Variants in DOCK2 observed in about 807,000 individuals in gnomAD.
DOCK2 encodes the protein dedicator of cytokinesis 2, also known as dedicator of cytokinesis protein 2.
DOCK2 carries 87 observed loss-of-function variants against 248.9 expected under a neutral mutation model. That is an observed-to-expected ratio of 0.35 (90% CI 0.29 to 0.42). The LOEUF (loss-of-function observed/expected upper bound fraction) is 0.42, where lower values mean the gene tolerates loss of function less well. Ranked by LOEUF, DOCK2 falls within the 10% of genes least tolerant of loss-of-function variation. The pLI, the probability that DOCK2 is intolerant of heterozygous loss-of-function variation, is 1.00. For synonymous variants in DOCK2, 805 were observed against 821.6 expected (o/e 0.98, Z 0.35); for missense variants, 1,747 against 2,300.2 (o/e 0.76, Z 4.92).
At chr5:169,864,601 C>T (rs261027) in intron 27 of DOCK2, 54,448 of 673,400 alleles carry the variant, frequency 0.081, 3,796 homozygotes, top group African/African-American at 0.3. Flanking sequence ...GGCTCTTTGA[C>T]CTTGGGAAAG....
chr5:169,949,297 G>T (rs1776566518), intron 27 of DOCK2, among the ~76,000 whole-genome samples: 1 of 152,156 alleles, frequency 6.6e-6, no homozygotes, highest in South Asian at 2.1e-4. Flanking sequence ...TCCCAGGAGG[G>T]AGATCATAAT....
At chr5:169,681,974 T>C in intron 7 of DOCK2, 95 bp downstream of exon 7, 1 of 1,518,844 alleles carries the variant, frequency 6.6e-7, no homozygotes, top group Non-Finnish European at 8.8e-7. Context: ...CTGTGTATTA[T>C]TCAAGGGGCA....
At chr5:169,964,319 G>T (rs1339474737) in intron 27 of DOCK2, among the ~76,000 whole-genome samples, 1 of 152,124 alleles carries the variant, frequency 6.6e-6, no homozygotes, top group Non-Finnish European at 1.5e-5. Flanking sequence ...AAGTTGCTCC[G>T]CTCCCACCCC....
chr5:169,941,462 G>A (rs1581449879), intron 27 of DOCK2, among the ~76,000 whole-genome samples: 1 of 152,152 alleles, frequency 6.6e-6, no homozygotes, highest in Non-Finnish European at 1.5e-5. Context: ...TGGGAGTGGT[G>A]TAGGCACAGG....
chr5:170,022,524 C>A (rs1284966054), intron 33 of DOCK2, among the ~76,000 whole-genome samples: 1 of 151,664 alleles, frequency 6.6e-6, no homozygotes, highest in East Asian at 1.9e-4. Context: ...GGGTCTCTGT[C>A]CATTGTCTAG....
chr5:169,663,470 C>G (rs1758557111), intron 2 of DOCK2, among the ~76,000 whole-genome samples: 1 of 152,252 alleles, frequency 6.6e-6, no homozygotes, highest in Non-Finnish European at 1.5e-5. Context: ...CCCTGCTGCA[C>G]TGCCCTAGTA....
intron 27 of DOCK2, chr5:169,864,179 T>C (rs1771387135): frequency 8.6e-7 from 1 of 1,165,638 alleles, no homozygotes; most frequent in African/African-American, 1.5e-5. Flanking sequence ...GCCCAGGGCC[T>C]TTGCAAAGAA....
At chr5:169,795,375 G>C (rs1048468003) in intron 25 of DOCK2, among the ~76,000 whole-genome samples, 2 of 152,020 alleles carry the variant, frequency 1.3e-5, no homozygotes, top group South Asian at 4.2e-4. Context: ...ATACATTTTG[G>C]TCCCCGAGGG....
At chr5:169,722,757 G>A (rs1473810429) in intron 22 of DOCK2, among the ~76,000 whole-genome samples, 1 of 152,178 alleles carries the variant, frequency 6.6e-6, no homozygotes, top group Non-Finnish European at 1.5e-5. Flanking sequence ...AACAGCAAGG[G>A]TGCTTTTTTC....
chr5:170,024,394 ACT>A (rs1409141764), intron 33 of DOCK2, among the ~76,000 whole-genome samples: 1 of 128,094 alleles, frequency 7.8e-6, no homozygotes, highest in African/African-American at 3.1e-5. Flanking sequence ...AGAGTCTTAC[ACT>A]CTGTCACCCA....
intron 27 of DOCK2, among the ~76,000 whole-genome samples, chr5:169,964,763 C>T (rs1777233395): frequency 6.6e-6 from 1 of 152,228 alleles, no homozygotes; most frequent in Admixed American, 6.5e-5. Flanking sequence ...CTGCTTCTCC[C>T]CTCGGAGCAA....
At chr5:169,677,401 G>T (rs370935223) in intron 6 of DOCK2, among the ~76,000 whole-genome samples, 1 of 152,078 alleles carries the variant, frequency 6.6e-6, no homozygotes, top group Admixed American at 6.5e-5. Context: ...AAGGCTGCCC[G>T]CAAACTGTGT....
At position 169,731,540 on chromosome 5, in the gene DOCK2, G is replaced by A. The variant is rs552015761; in HGVS notation, c.2267+12749G>A. Among the ~76,000 whole-genome samples the A allele has an allele frequency of 1.2e-4, 18 of 152,130 alleles. No individual in the cohort carries two copies. The East Asian group carries it at 2.3e-3, about 20-fold the overall frequency. ...TTTCTTTTGTAAATGGCCTAGTCTC[G>A]GCTATGTCTTTATCAGCAACACGAA... On this transcript the variant is annotated intron_variant, in intron 22 of 51. Coordinates refer to ENST00000520908, the MANE Select transcript of DOCK2 (RefSeq NM_004946.3).
At chr5:169,638,754 T>C (rs1401829146) in intron 1 of DOCK2, among the ~76,000 whole-genome samples, 1 of 152,204 alleles carries the variant, frequency 6.6e-6, no homozygotes, top group Non-Finnish European at 1.5e-5. Context: ...CCAAAGGTCA[T>C]GCAATCTCTG....
intron 32 of DOCK2, 85 bp downstream of exon 32, chr5:170,008,831 T>C (rs1019226219): frequency 1.9e-5 from 29 of 1,494,312 alleles, no homozygotes; most frequent in Non-Finnish European, 2.7e-5. Flanking sequence ...GCCACAGGGG[T>C]TTTAGCAGTG....
chr5:169,818,611 A>G (rs1355005536), intron 26 of DOCK2, among the ~76,000 whole-genome samples: 1 of 152,102 alleles, frequency 6.6e-6, no homozygotes, highest in African/African-American at 2.4e-5. Context: ...AAAGCATCTG[A>G]TTAATTAATT....
intron 27 of DOCK2, among the ~76,000 whole-genome samples, chr5:169,923,225 A>G (rs1283570338): frequency 3.3e-5 from 5 of 152,078 alleles, no homozygotes; most frequent in Non-Finnish European, 5.9e-5. Flanking sequence ...AGGGTGATTC[A>G]GATTGAGATG....
chr5:169,896,759 A>G (rs1433366447), intron 27 of DOCK2, among the ~76,000 whole-genome samples: 4 of 152,224 alleles, frequency 2.6e-5, no homozygotes, highest in African/African-American at 9.7e-5. Flanking sequence ...TATTTATGAT[A>G]TAGTCCCTAC....
intron 27 of DOCK2, among the ~76,000 whole-genome samples, chr5:169,938,658 G>A (rs532200782): frequency 8.5e-5 from 13 of 152,228 alleles, no homozygotes; most frequent in African/African-American, 2.4e-4. Flanking sequence ...GGCTTAGGAT[G>A]GTTACTGTAC....
Sources: gnomAD v4.1 joint callset for allele counts (sites outside exome capture counted in the v4.1 genomes callset) on GRCh38, gnomAD v4.1.1 for gene constraint, MANE v1.5 for transcripts, NCBI Gene and HGNC (gene_info 2026-07-23, HGNC 2026-07-21) for gene names.